Variants in SERPINB5 observed in about 807,000 individuals in gnomAD.
SERPINB5 encodes serpin family B member 5.
SERPINB5 carries 27 observed loss-of-function variants against 32.2 expected under a neutral mutation model. That is an observed-to-expected ratio of 0.84 (90% CI 0.62 to 1.16). SERPINB5 has a LOEUF of 1.16. Among genes scored for constraint, SERPINB5 ranks in the 50% most tolerant of loss-of-function variants. SERPINB5 has a pLI of 0.00. For synonymous variants in SERPINB5, 154 were observed against 157.4 expected (o/e 0.98, Z 0.16); for missense variants, 388 against 436.3 (o/e 0.89, Z 0.99).
chr18:63,480,541 A>G (rs572036650), intron 1 of SERPINB5, among the ~76,000 whole-genome samples: 1 of 152,314 alleles, frequency 6.6e-6, no homozygotes, highest in South Asian at 2.1e-4. Flanking sequence ...GGTACTTGCA[A>G]TTTTATAGCA....
intron 1 of SERPINB5, among the ~76,000 whole-genome samples, chr18:63,481,043 C>T (rs1202684416): frequency 6.6e-6 from 1 of 152,166 alleles, no homozygotes; most frequent in Non-Finnish European, 1.5e-5. Context: ...GAAGGTCCGC[C>T]AATGGTGAGA....
chr18:63,479,695 G>A (rs1599386159), intron 1 of SERPINB5, among the ~76,000 whole-genome samples: 1 of 152,116 alleles, frequency 6.6e-6, no homozygotes, highest in Admixed American at 6.5e-5. Flanking sequence ...CTCCTTGGAG[G>A]CAGGGGCTAT....
intron 6 of SERPINB5, among the ~76,000 whole-genome samples, chr18:63,501,745 G>A (rs1166474543): frequency 6.6e-6 from 1 of 152,192 alleles, no homozygotes. Flanking sequence ...TCTAACTGGT[G>A]TGAGATGGTA....
intron 1 of SERPINB5, among the ~76,000 whole-genome samples, chr18:63,483,024 G>C (rs1404848734): frequency 1.3e-5 from 2 of 152,108 alleles, no homozygotes; most frequent in Admixed American, 1.3e-4. Flanking sequence ...TAATGTCTTA[G>C]TATTATCATG....
intron 5 of SERPINB5, chr18:63,497,405 C>A: frequency 8.9e-7 from 1 of 1,127,566 alleles, no homozygotes. Context: ...ATGTGAAGCT[C>A]TGTGGGGGTC....
intron 3 of SERPINB5, 72 bp downstream of exon 3, chr18:63,487,155 C>A: frequency 6.9e-7 from 1 of 1,445,984 alleles, no homozygotes; most frequent in Non-Finnish European, 9.4e-7. Context: ...GTTAGACCTA[C>A]AACTTTTTTT....
chr18:63,497,683 T>C (rs192830280), intron 5 of SERPINB5, among the ~76,000 whole-genome samples: 60 of 152,336 alleles, frequency 3.9e-4, no homozygotes, highest in African/African-American at 1.3e-3. Flanking sequence ...ATCATCTTTT[T>C]GAACTTAATA....
chr18:63,503,288 G>A (rs1909607452), intron 6 of SERPINB5, 42 bp from the exon 7 acceptor site: 1 of 1,555,876 alleles, frequency 6.4e-7, no homozygotes, highest in East Asian at 2.4e-5. Flanking sequence ...TTTTACAGTT[G>A]GAAATAAATA....
intron 1 of SERPINB5, among the ~76,000 whole-genome samples, chr18:63,479,428 C>G (rs142972534): frequency 6.6e-6 from 1 of 152,182 alleles, no homozygotes; most frequent in South Asian, 2.1e-4. Flanking sequence ...CGGCCCTACC[C>G]CCAGCCCAGT....
intron 5 of SERPINB5, among the ~76,000 whole-genome samples, chr18:63,495,961 G>T (rs975676219): frequency 6.6e-6 from 1 of 152,078 alleles, no homozygotes; most frequent in Admixed American, 6.6e-5. Flanking sequence ...CTTATGCCCC[G>T]TGGTGTCTCC....
chr18:63,477,609 C>A (rs897738941), intron 1 of SERPINB5, among the ~76,000 whole-genome samples: 1 of 152,136 alleles, frequency 6.6e-6, no homozygotes, highest in East Asian at 1.9e-4. Context: ...TTCTTCTAAG[C>A]GGAAATTATT....
At chr18:63,477,475 A>G (rs1917054062) in intron 1 of SERPINB5, among the ~76,000 whole-genome samples, 1 of 152,144 alleles carries the variant, frequency 6.6e-6, no homozygotes, top group African/African-American at 2.4e-5. Flanking sequence ...GTTGAGAAGT[A>G]TTGGTGGGTC....
chr18:63,481,815 A>G (rs1021814784), intron 1 of SERPINB5, among the ~76,000 whole-genome samples: 2 of 152,112 alleles, frequency 1.3e-5, no homozygotes, highest in African/African-American at 4.8e-5. Context: ...TACCCTGCTG[A>G]CCTCAGTATA....
chr18:63,500,232 T>C (rs1909542899), intron 6 of SERPINB5, among the ~76,000 whole-genome samples: 1 of 87,920 alleles, frequency 1.1e-5, no homozygotes, highest in African/African-American at 7.4e-5. Context: ...TATGCCTGGC[T>C]TTTTTTTTTT....
At chr18:63,482,562 T>C (rs1917142173) in intron 1 of SERPINB5, among the ~76,000 whole-genome samples, 1 of 152,154 alleles carries the variant, frequency 6.6e-6, no homozygotes, top group African/African-American at 2.4e-5. Flanking sequence ...TCAGCTCTGC[T>C]CCCAGAAAGG....
At position 63,493,095 on chromosome 18, in the gene SERPINB5, G is replaced by A; in HGVS notation, c.567G>A (p.Lys189=). 1 of 1,614,170 alleles carries A rather than the reference G, an allele frequency of 6.2e-7. No homozygotes were observed. Reference sequence around the variant, plus strand: ...AAGAATGTCCTTTCAGAGTCAACAAGGTATGTGGGGCAGCATGTAGCAGTA... The same window carrying A: ...AAGAATGTCCTTTCAGAGTCAACAAAGTATGTGGGGCAGCATGTAGCAGTA... ...ETKECPFRVN[K]TDTKPVQMMN... is the part of the protein sequence containing the mutation. Residue 189 remains lysine, a splice_region_variant and synonymous_variant, in exon 5 of 7, where the codon AAG becomes AAA. Transcript: ENST00000382771.
rs1459147297 is a variant in SERPINB5, at chr18:63,491,292, C to G, written c.425-1661C>G. Among the ~76,000 whole-genome samples the G allele has an allele frequency of 2.0e-5, 3 of 148,594 alleles. No homozygotes were observed. The East Asian group carries it at 6.2e-4, about 31-fold the overall frequency. On this transcript the variant is annotated intron_variant, in intron 4 of 6. Coordinates refer to ENST00000382771, the MANE Select transcript of SERPINB5 (RefSeq NM_002639.5). Reference sequence around the variant, plus strand: ...TGTCACGCACCTGTAGTCCCAGCTACTTGGGAGGCTGAGGCAGGATAATCG... The same window carrying G: ...TGTCACGCACCTGTAGTCCCAGCTAGTTGGGAGGCTGAGGCAGGATAATCG...
At chr18:63,490,535 G>A (rs1362238287) in intron 4 of SERPINB5, 1 of 152,220 alleles carries the variant, frequency 6.6e-6, no homozygotes, top group Non-Finnish European at 1.5e-5. Flanking sequence ...TGAAGCCTAG[G>A]CAGTCGCTGC....
Position 63,487,072 on chromosome 18 carries a change from A to C in SERPINB5, c.295A>C (p.Asn99His), listed in dbSNP as rs1917227366. ...GCGGCTCTACGTAGACAAATCTCTG[A>C]ATCTTTCTACAGTAAGTTGTTTAAA... ...IKRLYVDKSLNLSTEFISSTK... is the reference protein window; with the variant it reads ...IKRLYVDKSLHLSTEFISSTK... The change falls in exon 3 of 7, where the codon AAT (asparagine) becomes CAT (histidine). Residue 99 changes from asparagine (N) to histidine (H), a missense_variant. Physicochemically the swap from Asn to His is moderately conservative, Grantham distance 68 (BLOSUM62 1). Transcript: ENST00000382771. 3.1e-6 allele frequency: 5 copies of C among 1,613,608 alleles called. No homozygotes were observed. The highest frequency in any genetic ancestry group is 4.2e-6 in the Non-Finnish European group (5 of 1,179,826).
Sources: allele counts gnomAD v4.1 joint callset (sites outside exome capture counted in the v4.1 genomes callset), GRCh38; gene constraint gnomAD v4.1.1; transcripts MANE v1.5; gene names NCBI Gene and HGNC (gene_info 2026-07-23, HGNC 2026-07-21).